Variants in MYO9A observed in about 807,000 individuals in gnomAD.
MYO9A encodes the protein unconventional myosin-IXa.
Under a neutral mutation model 293.3 loss-of-function variants are expected in MYO9A, and 103 were observed. The ratio of observed to expected loss-of-function variants is 0.35; its 90% CI spans 0.30 to 0.41. The LOEUF is 0.41. Ranked by LOEUF, MYO9A falls within the 10% of genes least tolerant of loss-of-function variation. The pLI, the probability that MYO9A is intolerant of heterozygous loss-of-function variation, is 1.00. For missense variants in MYO9A, 2,685 were observed against 3,033.0 expected, an observed-to-expected ratio of 0.89 and a Z score of 2.69; for synonymous variants, 1,001 against 1,035.7, an observed-to-expected ratio of 0.97 and a Z score of 0.64.
intron 19 of MYO9A, among the ~76,000 whole-genome samples, chr15:71,909,805 A>G (rs1230077735): frequency 6.6e-6 from 1 of 152,014 alleles, no homozygotes; most frequent in Non-Finnish European, 1.5e-5. Flanking sequence ...TTAAACTTTT[A>G]ACTGTTCGTT....
rs926134378 is a variant in MYO9A at position 71,925,225 on chromosome 15, A to T, written c.2562+8445T>A. Among the ~76,000 whole-genome samples the T allele has an allele frequency of 7.7e-3, 1,126 of 145,708 alleles. 17 individuals carry two copies. Among genetic ancestry groups the T allele is most frequent in the African/African-American group, 0.027 (1,057 of 39,264 alleles). ...CATATATACATGTGTATATATACAC[A>T]TATATACACATATATATACATATAC... is the stretch of plus-strand genomic sequence containing the variant. On this transcript the variant is annotated intron_variant, in intron 18 of 41. Transcript: ENST00000356056.
intron 4 of MYO9A, among the ~76,000 whole-genome samples, chr15:72,026,883 A>C (rs545670872): frequency 8.7e-4 from 132 of 152,324 alleles, no homozygotes; most frequent in African/African-American, 3.1e-3. Flanking sequence ...AAAACTACCA[A>C]ATCTGACCAC....
chr15:72,103,873 T>C (rs1423504354), intron 1 of MYO9A, among the ~76,000 whole-genome samples: 1 of 152,192 alleles, frequency 6.6e-6, no homozygotes, highest in Non-Finnish European at 1.5e-5. Flanking sequence ...AGGGGGGATA[T>C]GTTGACAAGG....
rs184392385 is a variant in MYO9A, at chr15:71,951,460, G to C, written c.2302+317C>G. Among the ~76,000 whole-genome samples, 8 of 151,406 alleles carry C rather than the reference G, an allele frequency of 5.3e-5. No individual in the cohort carries two copies. The East Asian group carries it at 1.2e-3, about 22-fold the overall frequency. Reference sequence around the variant, plus strand: ...TTGTTGTTTTTTTTTTTATGAGCAGGAAAGAAAACATTGTTGATTCCTATC... The same window carrying C: ...TTGTTGTTTTTTTTTTTATGAGCAGCAAAGAAAACATTGTTGATTCCTATC... On this transcript the variant is annotated intron_variant, in intron 15 of 41. Coordinates refer to ENST00000356056, the MANE Select transcript of MYO9A (RefSeq NM_006901.4).
intron 17 of MYO9A, 106 bp from the exon 18 acceptor site, chr15:71,933,815 T>C: frequency 1.1e-6 from 1 of 902,718 alleles, no homozygotes. Flanking sequence ...CAACAGATTA[T>C]ATACCCATTA....
At chr15:72,103,066 C>CG (rs1772709552) in intron 1 of MYO9A, among the ~76,000 whole-genome samples, 2 of 78 alleles carry the variant, frequency 0.026, no homozygotes, top group African/African-American at 0.062. Context: ...ACTGAACCTC[C>CG]ACTCCCGGGT....
At chr15:71,928,039 TATATATATATATATA>T (rs1471875061) in intron 18 of MYO9A, among the ~76,000 whole-genome samples, 14 of 9,658 alleles carry the variant, frequency 1.4e-3, no homozygotes, top group Non-Finnish European at 7.5e-3. Context: ...TATATATATA[TATATATATATATATA>T]TATTTTTTTT....
chr15:71,987,753 C>T (rs2076441956), intron 11 of MYO9A, among the ~76,000 whole-genome samples: 1 of 152,110 alleles, frequency 6.6e-6, no homozygotes, highest in Admixed American at 6.6e-5. Context: ...GATACTGTAC[C>T]TTCTTTTTAA....
chr15:71,910,087 CGTAT>C (rs2057787814), intron 19 of MYO9A, among the ~76,000 whole-genome samples: 1 of 143,632 alleles, frequency 7.0e-6, no homozygotes, highest in Admixed American at 7.0e-5. Context: ...TATATATACA[CGTAT>C]ATATATATAC....
chr15:71,869,122 A>G (rs1014184164), intron 32 of MYO9A, among the ~76,000 whole-genome samples: 1 of 152,230 alleles, frequency 6.6e-6, no homozygotes, highest in Non-Finnish European at 1.5e-5. Flanking sequence ...GTCAAGAATC[A>G]TCAAGTAATA....
chr15:71,827,178 G>A, intron 41 of MYO9A, 135 bp from the exon 42 acceptor site: 2 of 634,676 alleles, frequency 3.2e-6, no homozygotes, highest in South Asian at 4.4e-5. Flanking sequence ...GACTTACTAT[G>A]GGCACAGTCA....
At chr15:72,050,282 T>G (rs1355509855) in intron 1 of MYO9A, among the ~76,000 whole-genome samples, 1 of 152,118 alleles carries the variant, frequency 6.6e-6, no homozygotes, top group South Asian at 2.1e-4. Context: ...AGACATGAGC[T>G]TTCATCAAAA....
chr15:71,924,436 G>A (rs546322986), intron 18 of MYO9A, among the ~76,000 whole-genome samples: 11 of 152,022 alleles, frequency 7.2e-5, no homozygotes, highest in Middle Eastern at 3.4e-3. Flanking sequence ...TAGAGACAGG[G>A]TTTTACCGTG....
intron 39 of MYO9A, among the ~76,000 whole-genome samples, chr15:71,845,345 A>T (rs193246320): frequency 2.0e-5 from 3 of 148,882 alleles, no homozygotes; most frequent in Admixed American, 6.6e-5. Context: ...CTTGCATATG[A>T]AAAGGAATTA....
At chr15:72,037,357 T>A (rs1217930104) in intron 2 of MYO9A, among the ~76,000 whole-genome samples, 1 of 150,838 alleles carries the variant, frequency 6.6e-6, no homozygotes, top group Admixed American at 6.6e-5. Flanking sequence ...GAAATATTCA[T>A]GGGCATATGG....
chr15:71,893,041 G>A lies in MYO9A; in HGVS notation c.5142+638C>T, dbSNP rs1256549977. 3.1e-6 allele frequency: 4 copies of A among 1,289,834 alleles called. No individual in the cohort carries two copies. The Admixed American group carries it at 6.9e-5, about 22-fold the overall frequency. The allele number at this position is 1,289,834 out of a possible 1,614,324, so 79.9% of individuals were successfully genotyped here. A position where few individuals can be genotyped will look rare whatever the true frequency, so the allele number is the denominator to read the frequency against. On this transcript the variant is annotated intron_variant, in intron 26 of 41. Transcript: ENST00000356056. ...CTCACAGTGAGAAGCTTGGTCAAGG[G>A]AGAGAAGGGGCTCAATAATGTCATC...
intron 14 of MYO9A, among the ~76,000 whole-genome samples, chr15:71,955,033 C>A (rs1033413895): frequency 1.3e-5 from 2 of 151,816 alleles, no homozygotes; most frequent in African/African-American, 4.9e-5. Context: ...ATTTCTATCA[C>A]CCCCCCAAGT....
chr15:72,050,385 G>C (rs963199178), intron 1 of MYO9A, among the ~76,000 whole-genome samples: 1 of 152,080 alleles, frequency 6.6e-6, no homozygotes, highest in Non-Finnish European at 1.5e-5. Flanking sequence ...GAGGCGGATA[G>C]ATCACGAGGT....
At position 72,050,017 on chromosome 15, in the gene MYO9A, C is replaced by T. The variant is rs186815704; in HGVS notation, c.-71-3383G>A. 2.0e-5 allele frequency among the ~76,000 whole-genome samples: 3 copies of T among 152,262 alleles called. No individual in the cohort carries two copies. In the East Asian group the frequency reaches 5.8e-4, roughly 29 times the overall value. ...AACAATAAGCCCAACTCTAATTACACTTCCCCATTACTTCAAAGCAGCCAA... is the reference window on the plus strand; with the variant it reads ...AACAATAAGCCCAACTCTAATTACATTTCCCCATTACTTCAAAGCAGCCAA... On this transcript the variant is annotated intron_variant, in intron 1 of 41. Transcript: ENST00000356056.
Sources: allele counts gnomAD v4.1 joint callset (sites outside exome capture counted in the v4.1 genomes callset), GRCh38; gene constraint gnomAD v4.1.1; transcripts MANE v1.5; gene names NCBI Gene and HGNC (gene_info 2026-07-23, HGNC 2026-07-21).